Variants in KPNA7 observed in about 807,000 individuals in gnomAD.
KPNA7 encodes importin subunit alpha-8.
In KPNA7, 54 loss-of-function variants were observed where a neutral mutation model predicts 53.7. The observed-to-expected ratio is 1.01, with a 90% CI of 0.81 to 1.26. The LOEUF (loss-of-function observed/expected upper bound fraction) is 1.26, where lower values mean the gene tolerates loss of function less well. Ranked by LOEUF, KPNA7 falls within the 50% of genes most tolerant of loss-of-function variation. The pLI, the probability that KPNA7 is intolerant of heterozygous loss-of-function variation, is 0.00. For missense variants in KPNA7, 640 were observed against 644.5 expected (o/e 0.99, Z 0.07); for synonymous variants, 276 against 259.3 (o/e 1.06, Z -0.62).
At chr7:99,174,749 T>TTAC (rs1216119672) in intron 10 of KPNA7, among the ~76,000 whole-genome samples, 1 of 152,122 alleles carries the variant, frequency 6.6e-6, no homozygotes, top group Non-Finnish European at 1.5e-5. Flanking sequence ...CCAGAAATCT[T>TTAC]TACCCTGGAG....
In KPNA7 at chr7:99,191,160, A is replaced by AT. The variant is rs5886098; in HGVS notation, c.636+1858dup. The stretch of plus-strand genomic sequence containing the variant: ...CTTCACCATCTCCCTCTGCTATACA[A>AT]TTTTTTTTTTTTTTTTGAGATGGAG... On this transcript the variant is annotated intron_variant, in intron 6 of 10. Coordinates refer to ENST00000327442, the MANE Select transcript of KPNA7 (RefSeq NM_001145715.3). Among the ~76,000 whole-genome samples, 551 of 134,702 alleles carry AT rather than the reference A, an allele frequency of 4.1e-3. 5 individuals carry two copies. The highest frequency in any genetic ancestry group is 0.014 in the African/African-American group (526 of 37,296). The allele number at this position is 134,702 out of a possible 152,430, so 88.4% of individuals were successfully genotyped here. A position where few individuals can be genotyped will look rare whatever the true frequency, so the allele number is the denominator to read the frequency against.
chr7:99,173,050 G>A (rs1267095756), downstream of KPNA7, among the ~76,000 whole-genome samples: 9 of 81,072 alleles, frequency 1.1e-4, no homozygotes, highest in African/African-American at 2.2e-4. Context: ...TGACAAGACC[G>A]AAACTCCATC....
chr7:99,186,026 C>CA (rs1789569704), intron 7 of KPNA7, among the ~76,000 whole-genome samples: 1 of 152,032 alleles, frequency 6.6e-6, no homozygotes, highest in African/African-American at 2.4e-5. Flanking sequence ...CTCCTGACCT[C>CA]AAGTGATCTG....
At chr7:99,158,724 G>A in the KPNA7 span, among the ~76,000 whole-genome samples, 1 of 151,696 alleles carries the variant, frequency 6.6e-6, no homozygotes, top group Non-Finnish European at 1.5e-5. Context: ...GGCTTGTCTC[G>A]AACTCCTGAC....
At chr7:99,148,024 A>C in the KPNA7 span, among the ~76,000 whole-genome samples, 5 of 150,970 alleles carry the variant, frequency 3.3e-5, no homozygotes, top group Non-Finnish European at 7.4e-5. Context: ...GTCTTTAAAA[A>C]AAAAAAAAAA....
chr7:99,208,820 G>T (rs1323430424), upstream of KPNA7, among the ~76,000 whole-genome samples: 1 of 151,232 alleles, frequency 6.6e-6, no homozygotes, highest in Non-Finnish European at 1.5e-5. Context: ...GCTTCAACTG[G>T]GTCCTCAAAT....
At chr7:99,205,256 T>TACCA in intron 2 of KPNA7, among the ~76,000 whole-genome samples, 1 of 149,962 alleles carries the variant, frequency 6.7e-6, no homozygotes, top group Non-Finnish European at 1.5e-5. Context: ...ACCCCATCTC[T>TACCA]ACCAAAATGC....
At chr7:99,195,957 C>T in intron 4 of KPNA7, 127 bp downstream of exon 4, 1 of 722,638 alleles carries the variant, frequency 1.4e-6, no homozygotes, top group Non-Finnish European at 2.4e-6. Flanking sequence ...GATGGGCTAG[C>T]CTTTTCCTGT....
At chr7:99,181,651 C>T (rs534727451) in intron 9 of KPNA7, among the ~76,000 whole-genome samples, 2 of 152,162 alleles carry the variant, frequency 1.3e-5, no homozygotes, top group South Asian at 4.1e-4. Context: ...GGGTTTCAAG[C>T]GATTCTCCCA....
chr7:99,177,882 G>T, intron 10 of KPNA7, 38 bp downstream of exon 10: 1 of 1,547,272 alleles, frequency 6.5e-7, no homozygotes, highest in Non-Finnish European at 8.7e-7. Context: ...GCCCCACCAA[G>T]ACCCCTGGAT....
chr7:99,169,533 G>A (rs535544789), downstream of KPNA7, among the ~76,000 whole-genome samples: 1 of 151,710 alleles, frequency 6.6e-6, no homozygotes, highest in African/African-American at 2.4e-5. Context: ...CAGGAGAATC[G>A]CTTGAACCTG....
the KPNA7 span, among the ~76,000 whole-genome samples, chr7:99,147,828 CAACAT>C: frequency 6.6e-6 from 1 of 151,076 alleles, no homozygotes; most frequent in Non-Finnish European, 1.5e-5. Context: ...AAAGCCTGGG[CAACAT>C]AACGAGACCC....
the KPNA7 span, among the ~76,000 whole-genome samples, chr7:99,149,753 T>C: frequency 1.9e-3 from 289 of 152,328 alleles, no homozygotes; most frequent in Middle Eastern, 3.4e-3. Flanking sequence ...TCTAGGCTTC[T>C]TTTGCTTTTC....
chr7:99,187,719 A>G (rs1789672543), intron 7 of KPNA7, among the ~76,000 whole-genome samples: 1 of 148,228 alleles, frequency 6.7e-6, no homozygotes, highest in South Asian at 2.1e-4. Flanking sequence ...ACACTCAGTT[A>G]ATTCTTTGGT....
intron 9 of KPNA7, among the ~76,000 whole-genome samples, chr7:99,179,805 C>T (rs1299456219): frequency 1.3e-5 from 2 of 151,856 alleles, no homozygotes; most frequent in Non-Finnish European, 2.9e-5. Flanking sequence ...GAAGTCCTGA[C>T]CTCAGGTGAT....
chr7:99,173,720 T>C lies in KPNA7; in HGVS notation c.1539A>G (p.Leu513=), dbSNP rs1331203718. The C allele has an allele frequency of 5.2e-6, 8 of 1,550,564 alleles. No homozygotes were observed. Among genetic ancestry groups the C allele is most frequent in the Non-Finnish European group, 7.0e-6 (8 of 1,145,976 alleles). Residue 513 remains leucine (L), a synonymous_variant, in exon 11 of 11, where the codon TTA becomes TTG. Coordinates refer to ENST00000327442, the MANE Select transcript of KPNA7 (RefSeq NM_001145715.3). ...QDYEFIDYEC[L]AKK Reference sequence around the variant, plus strand: ...GTAGGGAGCTTGGCTATTTTTTTGCTAAGCATTCATAATCTATAAATTCAT... The same window carrying C: ...GTAGGGAGCTTGGCTATTTTTTTGCCAAGCATTCATAATCTATAAATTCAT...
rs1395231964 is a variant in KPNA7 at position 99,181,985 on chromosome 7, C to G, written c.1215G>C (p.Gln405His). 1 of 1,551,040 alleles carries G rather than the reference C, an allele frequency of 6.4e-7. No individual in the cohort carries two copies. The highest frequency in any genetic ancestry group is 1.4e-5 in the African/African-American group (1 of 73,040). The change falls in exon 9 of 11, where the codon CAG (glutamine) becomes CAC (histidine). Residue 405 changes from glutamine to histidine, a missense_variant. Transcript: ENST00000327442. ...GCTCCAGGACCCCAGAGTGGACGAG[C>G]TGGATCAGCTGATCCATGGTGGCCC... ...ATGATMDQLIQLVHSGVLEPL... is the reference protein window; with the variant it reads ...ATGATMDQLIHLVHSGVLEPL...
chr7:99,167,161 A>T, the KPNA7 span, among the ~76,000 whole-genome samples: 1 of 152,116 alleles, frequency 6.6e-6, no homozygotes, highest in Admixed American at 6.6e-5. Flanking sequence ...TGCTGTTCAC[A>T]CACCTGGAGC....
rs191642556 is a variant in KPNA7 at position 99,206,815 on chromosome 7, A to G, written c.66+586T>C. On this transcript the variant is annotated intron_variant, in intron 2 of 10. Transcript: ENST00000327442. ...TGAAGAAACTGGGGTTCTGAAATTA[A>G]ATAATTGCAAGATTCCACGGAAACT... 2.0e-5 allele frequency among the ~76,000 whole-genome samples: 3 copies of G among 152,240 alleles called. No homozygotes were observed. In the East Asian group the frequency reaches 5.8e-4, roughly 29 times the overall value.
Sources: allele counts gnomAD v4.1 joint callset (sites outside exome capture counted in the v4.1 genomes callset), GRCh38; gene constraint gnomAD v4.1.1; transcripts MANE v1.5; gene names NCBI Gene and HGNC (gene_info 2026-07-23, HGNC 2026-07-21).